The following ST6GALNAC3 variants were observed in gnomAD, a reference collection of about 807,000 sequenced individuals.
ST6GALNAC3 encodes the protein ST6 N-acetylgalactosaminide alpha-2,6-sialyltransferase 3, also known as alpha-N-acetylgalactosaminide alpha-2,6-sialyltransferase 3.
ST6GALNAC3 carries 25 observed loss-of-function variants against 32.7 expected under a neutral mutation model. The ratio of observed to expected loss-of-function variants is 0.76; its 90% CI spans 0.56 to 1.07. ST6GALNAC3 has a LOEUF of 1.07. Among genes scored for constraint, ST6GALNAC3 ranks in the 50% least tolerant of loss-of-function variants. ST6GALNAC3 has a pLI of 0.00. For missense variants in ST6GALNAC3, 355 were observed against 382.4 expected, an observed-to-expected ratio of 0.93 and a Z score of 0.60; for synonymous variants, 129 against 133.1, an observed-to-expected ratio of 0.97 and a Z score of 0.21.
At chr1:76,505,073 C>T (rs1360636137) in intron 3 of ST6GALNAC3, among the ~76,000 whole-genome samples, 1 of 151,946 alleles carries the variant, frequency 6.6e-6, no homozygotes, top group Non-Finnish European at 1.5e-5. Context: ...TTTTCTGGTA[C>T]CTAGTAGAAG....
chr1:76,430,072 A>G (rs974458917), intron 3 of ST6GALNAC3, among the ~76,000 whole-genome samples: 1 of 152,118 alleles, frequency 6.6e-6, no homozygotes, highest in South Asian at 2.1e-4. Flanking sequence ...TTTAAATTTG[A>G]CTTATCTTTC....
chr1:76,397,652 G>A (rs1274256852), intron 2 of ST6GALNAC3, among the ~76,000 whole-genome samples: 1 of 152,106 alleles, frequency 6.6e-6, no homozygotes, highest in Non-Finnish European at 1.5e-5. Context: ...GGGATTACAG[G>A]CGTGAGCCAC....
chr1:76,433,440 A>T (rs1258916845), intron 3 of ST6GALNAC3, among the ~76,000 whole-genome samples: 2 of 152,202 alleles, frequency 1.3e-5, no homozygotes, highest in East Asian at 3.8e-4. Context: ...AATTTCTGCC[A>T]TCTTTCTTAT....
Position 76,632,630 on chromosome 1 carries a change from T to A in ST6GALNAC3, c.*3824T>A, listed in dbSNP as rs1206026957. 1.3e-5 allele frequency: 2 copies of A among 152,070 alleles called. No homozygotes were observed. Among genetic ancestry groups the A allele is most frequent in the Non-Finnish European group, 2.9e-5 (2 of 67,992 alleles). 9.4% of individuals were successfully genotyped at this position (152,070 alleles called of 1,614,324 possible). A position where few individuals can be genotyped will look rare whatever the true frequency, so the allele number is the denominator to read the frequency against. ...GCTGAGGTAGGAACAAGAGTCTGAA[T>A]TGGGGACCTGCTGACCTTCCAAGAA... On this transcript the variant is annotated 3_prime_UTR_variant, in exon 5 of 5. Coordinates refer to ENST00000328299, the MANE Select transcript of ST6GALNAC3 (RefSeq NM_152996.4).
At chr1:76,361,806 C>T (rs1649961696) in intron 2 of ST6GALNAC3, among the ~76,000 whole-genome samples, 1 of 151,618 alleles carries the variant, frequency 6.6e-6, no homozygotes, top group Admixed American at 6.6e-5. Flanking sequence ...TGGTGAAATC[C>T]CATCTCTACT....
intron 2 of ST6GALNAC3, among the ~76,000 whole-genome samples, chr1:76,318,025 T>C (rs1457594855): frequency 3.3e-5 from 5 of 152,158 alleles, no homozygotes; most frequent in Non-Finnish European, 5.9e-5. Flanking sequence ...TAGTAAATTA[T>C]ACCCAGTTTA....
At chr1:76,269,403 C>A (rs938111357) in intron 1 of ST6GALNAC3, among the ~76,000 whole-genome samples, 7 of 152,228 alleles carry the variant, frequency 4.6e-5, no homozygotes, top group African/African-American at 1.7e-4. Flanking sequence ...TGCACAGCTG[C>A]AGTCACTTGT....
rs1661736366 is a variant in ST6GALNAC3, at chr1:76,509,900, A to C, written c.623+97483A>C. On this transcript the variant is annotated intron_variant, in intron 3 of 4. Coordinates refer to ENST00000328299, the MANE Select transcript of ST6GALNAC3 (RefSeq NM_152996.4). This position sits in a 1 kb window ranked among gnomAD's most constrained non-coding sequence, Gnocchi z 5.5. ...GATCCTTAATTTAATTGCACCTATG[A>C]AGTCCTTTTTGGCATGTAAAGCAAC... 6.6e-6 allele frequency among the ~76,000 whole-genome samples: 1 copy of C among 152,190 alleles called. No homozygotes were observed.
intron 2 of ST6GALNAC3, among the ~76,000 whole-genome samples, chr1:76,403,144 T>C: frequency 6.6e-6 from 1 of 151,990 alleles, no homozygotes; most frequent in East Asian, 1.9e-4. Context: ...ATTAAGAAAA[T>C]TTATTAGGTA....
intron 3 of ST6GALNAC3, among the ~76,000 whole-genome samples, chr1:76,487,555 G>A (rs903481281): frequency 1.2e-4 from 19 of 152,220 alleles, no homozygotes; most frequent in Admixed American, 6.5e-4. Context: ...CGTAGTTCTC[G>A]TGCCATGGTT....
intron 3 of ST6GALNAC3, among the ~76,000 whole-genome samples, chr1:76,513,594 G>T (rs1026862783): frequency 6.6e-6 from 1 of 152,050 alleles, no homozygotes; most frequent in African/African-American, 2.4e-5. Context: ...TTTTGTTCAG[G>T]ATTGCTTTAG....
chr1:76,581,411 A>G (rs1208249501), intron 3 of ST6GALNAC3, among the ~76,000 whole-genome samples: 1 of 152,182 alleles, frequency 6.6e-6, no homozygotes, highest in Non-Finnish European at 1.5e-5. Context: ...TAATAAAATT[A>G]TCTATTCACC....
chr1:76,144,020 A>G (rs1650512721), intron 1 of ST6GALNAC3, among the ~76,000 whole-genome samples: 1 of 152,220 alleles, frequency 6.6e-6, no homozygotes, highest in African/African-American at 2.4e-5. Context: ...TGTGAGCAGT[A>G]CATAAGTGGA....
At chr1:76,201,288 T>A (rs1401314824) in intron 1 of ST6GALNAC3, among the ~76,000 whole-genome samples, 4 of 152,182 alleles carry the variant, frequency 2.6e-5, no homozygotes, top group Admixed American at 2.0e-4. Context: ...AGCAAAGTCA[T>A]GTCTTACATG....
intron 2 of ST6GALNAC3, among the ~76,000 whole-genome samples, 168 bp downstream of exon 2, chr1:76,314,167 A>G (rs1372162262): frequency 6.6e-6 from 1 of 152,108 alleles, no homozygotes; most frequent in Non-Finnish European, 1.5e-5. Flanking sequence ...ATTTACTGAC[A>G]AATGTCTAAA....
chr1:76,420,789 C>A (rs1271186721), intron 3 of ST6GALNAC3, among the ~76,000 whole-genome samples: 1 of 151,996 alleles, frequency 6.6e-6, no homozygotes, highest in Non-Finnish European at 1.5e-5. Context: ...AATTGCACTT[C>A]CCCCTGTCAC....
intron 3 of ST6GALNAC3, among the ~76,000 whole-genome samples, chr1:76,510,430 T>A (rs1661781959): frequency 6.6e-6 from 1 of 151,992 alleles, no homozygotes; most frequent in Admixed American, 6.6e-5. Flanking sequence ...AGCCAGTTAT[T>A]ACACATAAAA....
intron 1 of ST6GALNAC3, among the ~76,000 whole-genome samples, chr1:76,121,102 G>A (rs1648844493): frequency 6.6e-6 from 1 of 152,196 alleles, no homozygotes; most frequent in East Asian, 1.9e-4. Flanking sequence ...GGTTCACCTA[G>A]ATATTCCAGG....
intron 3 of ST6GALNAC3, among the ~76,000 whole-genome samples, chr1:76,474,313 G>T (rs1659213758): frequency 6.6e-6 from 1 of 152,184 alleles, no homozygotes; most frequent in Non-Finnish European, 1.5e-5. Context: ...CAGATGTCAG[G>T]CAATGAGCTG....
Sources: allele counts gnomAD v4.1 joint callset (sites outside exome capture counted in the v4.1 genomes callset), GRCh38; gene constraint gnomAD v4.1.1; non-coding constraint Gnocchi (gnomAD v3.1); transcripts MANE v1.5; gene names NCBI Gene and HGNC (gene_info 2026-07-23, HGNC 2026-07-21).